DCC: variants seen among roughly 807,000 people sequenced by gnomAD.
DCC encodes the protein DCC netrin 1 receptor, also known as netrin receptor DCC.
Under a neutral mutation model 172.5 loss-of-function variants are expected in DCC, and 58 were observed. The observed-to-expected ratio is 0.34, with a 90% CI of 0.27 to 0.42. The LOEUF is 0.42. Among genes scored for constraint, DCC ranks in the 10% least tolerant of loss-of-function variants. DCC has a pLI of 1.00. For synonymous variants in DCC, 709 were observed against 644.5 expected, an observed-to-expected ratio of 1.10 and a Z score of -1.52; for missense variants, 1,740 against 1,791.0, an observed-to-expected ratio of 0.97 and a Z score of 0.51.
At chr18:52,685,244 T>A (rs983753613) in intron 1 of DCC, among the ~76,000 whole-genome samples, 1 of 152,148 alleles carries the variant, frequency 6.6e-6, no homozygotes, top group African/African-American at 2.4e-5. Flanking sequence ...CTTCTTAGAA[T>A]ACATTGGAGG....
intron 23 of DCC, among the ~76,000 whole-genome samples, chr18:53,457,092 T>A (rs1000385362): frequency 6.6e-6 from 1 of 152,246 alleles, no homozygotes; most frequent in African/African-American, 2.4e-5. Flanking sequence ...TTTAGCTTCT[T>A]GACTGACAGT....
At chr18:52,979,994 A>G (rs2041181724) in intron 5 of DCC, among the ~76,000 whole-genome samples, 1 of 151,908 alleles carries the variant, frequency 6.6e-6, no homozygotes, top group African/African-American at 2.4e-5. Context: ...AGTTCTACAG[A>G]CAGCACTTAT....
In DCC at chr18:53,125,664, G is replaced by A. The variant is rs116941416; in HGVS notation, c.1262-31692G>A. 8.4e-4 allele frequency among the ~76,000 whole-genome samples: 128 copies of A among 152,138 alleles called. 1 individual carries two copies. In the East Asian group the frequency reaches 0.022, roughly 27 times the overall value. ...AATACACTCTCATGGTGCTGTAGTTGCTTTCATTGCTAAGTCTGGTTCCTG... is the reference window on the plus strand; with the variant it reads ...AATACACTCTCATGGTGCTGTAGTTACTTTCATTGCTAAGTCTGGTTCCTG... On this transcript the variant is annotated intron_variant, in intron 7 of 28. Transcript: ENST00000442544.
At chr18:52,809,853 G>T (rs953388786) in intron 2 of DCC, among the ~76,000 whole-genome samples, 1 of 151,720 alleles carries the variant, frequency 6.6e-6, no homozygotes, top group Non-Finnish European at 1.5e-5. Flanking sequence ...TGTGCTCTCA[G>T]ATGATAACTG....
intron 1 of DCC, among the ~76,000 whole-genome samples, chr18:52,384,970 A>T (rs1254644311): frequency 1.3e-5 from 2 of 152,132 alleles, no homozygotes; most frequent in Non-Finnish European, 2.9e-5. Flanking sequence ...TTCTTCAAAT[A>T]ATTAGTTCGT....
At chr18:53,468,342 T>TTTTATTTA (rs60585459) in intron 25 of DCC, among the ~76,000 whole-genome samples, 4,129 of 130,966 alleles carry the variant, frequency 0.032, 91 homozygotes, top group African/African-American at 0.054. Context: ...CATAGTTTAT[T>TTTTATTTA]TTTATTTATT....
chr18:52,452,664 C>A (rs918114965), intron 1 of DCC, among the ~76,000 whole-genome samples: 4 of 152,224 alleles, frequency 2.6e-5, no homozygotes, highest in Non-Finnish European at 5.9e-5. Context: ...CATGTCACAA[C>A]ATAGTACATG....
chr18:52,619,215 G>T (rs528287134), intron 1 of DCC, among the ~76,000 whole-genome samples: 1 of 152,110 alleles, frequency 6.6e-6, no homozygotes, highest in East Asian at 1.9e-4. Context: ...TCTTGCCATT[G>T]TTTTAATCTA....
intron 5 of DCC, among the ~76,000 whole-genome samples, chr18:53,043,970 C>T (rs1359406272): frequency 1.3e-5 from 2 of 151,796 alleles, no homozygotes; most frequent in Non-Finnish European, 2.9e-5. Context: ...CCTAAAAATG[C>T]TAGAATGTAT....
At chr18:52,618,002 G>A (rs968166338) in intron 1 of DCC, among the ~76,000 whole-genome samples, 1 of 152,128 alleles carries the variant, frequency 6.6e-6, no homozygotes, top group Non-Finnish European at 1.5e-5. Context: ...GTGAATCCAT[G>A]CAGGGTATTG....
chr18:52,590,369 C>A (rs1283233214), intron 1 of DCC, among the ~76,000 whole-genome samples: 1 of 151,952 alleles, frequency 6.6e-6, no homozygotes, highest in East Asian at 1.9e-4. Flanking sequence ...ATGTTTTTGG[C>A]TACTGAATAT....
intron 5 of DCC, among the ~76,000 whole-genome samples, chr18:52,960,345 G>A (rs1219755660): frequency 2.6e-5 from 4 of 152,082 alleles, no homozygotes; most frequent in Non-Finnish European, 5.9e-5. Context: ...TACATTGCCA[G>A]CAGAAATCAG....
At chr18:52,456,077 G>T (rs937113501) in intron 1 of DCC, among the ~76,000 whole-genome samples, 5 of 152,118 alleles carry the variant, frequency 3.3e-5, no homozygotes, top group African/African-American at 1.2e-4. Flanking sequence ...TCGTATCAAG[G>T]TATGAAAGAC....
intron 1 of DCC, among the ~76,000 whole-genome samples, chr18:52,594,200 C>CT (rs2033861703): frequency 6.6e-6 from 1 of 152,186 alleles, no homozygotes; most frequent in African/African-American, 2.4e-5. Flanking sequence ...AAACTTGTGC[C>CT]TTCTGGGTGC....
At chr18:53,063,143 T>C (rs1247462058) in intron 5 of DCC, among the ~76,000 whole-genome samples, 162 bp from the exon 6 acceptor site, 2 of 152,158 alleles carry the variant, frequency 1.3e-5, no homozygotes, top group Non-Finnish European at 2.9e-5. Context: ...AAAAGATTTG[T>C]TTTATAATAG....
At chr18:53,091,574 T>A (rs539431886) in intron 7 of DCC, among the ~76,000 whole-genome samples, 1 of 151,638 alleles carries the variant, frequency 6.6e-6, no homozygotes, top group South Asian at 2.1e-4. Context: ...AGGACCCTTT[T>A]CTGGGCTGCA....
chr18:52,401,303 A>G (rs1223005844), intron 1 of DCC, among the ~76,000 whole-genome samples: 2 of 151,994 alleles, frequency 1.3e-5, no homozygotes, highest in African/African-American at 4.8e-5. Context: ...GGCATAGAAC[A>G]TAGCAGAATA....
At chr18:53,346,320 G>T (rs2057724575) in intron 15 of DCC, among the ~76,000 whole-genome samples, 1 of 151,952 alleles carries the variant, frequency 6.6e-6, no homozygotes, top group Non-Finnish European at 1.5e-5. Context: ...TATTAAATCT[G>T]TAAATTTATG....
chr18:53,370,185 G>C, intron 15 of DCC, among the ~76,000 whole-genome samples: 1 of 151,740 alleles, frequency 6.6e-6, no homozygotes, highest in East Asian at 1.9e-4. Context: ...TTGGTTGGTA[G>C]TATGTTTGTA....
Sources: allele counts gnomAD v4.1 joint callset (sites outside exome capture counted in the v4.1 genomes callset), GRCh38; gene constraint gnomAD v4.1.1; transcripts MANE v1.5; gene names NCBI Gene and HGNC (gene_info 2026-07-23, HGNC 2026-07-21).